Variants in RIN2 observed in about 807,000 individuals in gnomAD.
RIN2 encodes RAB5 interacting protein 2.
A neutral mutation model predicts 78.0 loss-of-function variants in RIN2; 36 were observed. The observed-to-expected ratio is 0.46, with a 90% CI of 0.35 to 0.61. The LOEUF (loss-of-function observed/expected upper bound fraction) is 0.61. RIN2 is among the 20% of genes least tolerant of loss of function. The probability of loss-of-function intolerance (pLI) is 0.00; values close to 1 mark genes in which losing one functional copy is unlikely to be tolerated. For missense variants in RIN2, 1,087 were observed against 1,159.7 expected (o/e 0.94, Z 0.91); for synonymous variants, 466 against 466.8 (o/e 1.00, Z 0.02).
chr20:19,994,857 AT>A (rs1455439710), intron 11 of RIN2, among the ~76,000 whole-genome samples: 1 of 152,182 alleles, frequency 6.6e-6, no homozygotes, highest in African/African-American at 2.4e-5. Flanking sequence ...TAGGGTGATT[AT>A]ACTGTAGGTG....
chr20:19,898,361 TAGA>T (rs2038831870), intron 3 of RIN2, among the ~76,000 whole-genome samples: 1 of 152,216 alleles, frequency 6.6e-6, no homozygotes, highest in Non-Finnish European at 1.5e-5. Flanking sequence ...AGTTTCATAT[TAGA>T]AGGATACCAA....
rs551438436 is a variant in RIN2, at chr20:19,811,838, C to T, written c.-37+12091C>T. On this transcript the variant is annotated intron_variant, in intron 2 of 12. Transcript: ENST00000255006. ...CAGTACAAACAATATTTAGAATATG[C>T]TCCCATTTTAAAAAAAAAAAGCTTT... 1.9e-3 allele frequency among the ~76,000 whole-genome samples: 287 copies of T among 149,870 alleles called. 2 individuals carry two copies. The highest frequency in any genetic ancestry group is 6.8e-3 in the African/African-American group (276 of 40,306).
Position 19,965,221 on chromosome 20 carries a change from G to T in RIN2, c.536+197G>T, listed in dbSNP as rs1106817. Among the ~76,000 whole-genome samples the T allele has an allele frequency of 0.019, 2,865 of 152,186 alleles. 97 individuals carry two copies. Among genetic ancestry groups the T allele is most frequent in the African/African-American group, 0.065 (2,708 of 41,512 alleles). On this transcript the variant is annotated intron_variant, in intron 7 of 12. Transcript: ENST00000255006. ...ACCATGCCAGGCTTAAGGTCAAAAC[G>T]ACTATCCCAACCCCTCCAAACATAA...
chr20:19,950,675 A>C (rs927644619), intron 4 of RIN2, among the ~76,000 whole-genome samples: 1 of 152,112 alleles, frequency 6.6e-6, no homozygotes, highest in Non-Finnish European at 1.5e-5. Flanking sequence ...CTTTGTAAGC[A>C]TAATAAAATT....
chr20:19,758,609 C>T (rs1211927500), intron 1 of RIN2, among the ~76,000 whole-genome samples: 3 of 152,180 alleles, frequency 2.0e-5, no homozygotes, highest in African/African-American at 7.2e-5. Context: ...ACCGGGTGTC[C>T]TCAGCTGACC....
rs201981815 is a variant in RIN2, at chr20:19,960,751, C to T, written c.403C>T (p.Arg135Cys). ...TKMQKKVLSL[R>C]LPCEFGAPLK... ...GATGCAGAAGAAAGTCCTCTCCCTC[C>T]GCCTGCCCTGTGAATTTGGGGCCCC... Residue 135 changes from arginine (R) to cysteine (C), a missense_variant, in exon 6 of 13, where the codon CGC (arginine) becomes TGC (cysteine). Physicochemically the swap from Arg to Cys is radical, Grantham distance 180 (BLOSUM62 -3). This residue lies in a region of RIN2 where 706 missense variants were observed against 667.5 expected (regional missense o/e 1.06). Coordinates refer to ENST00000255006, the MANE Select transcript of RIN2 (RefSeq NM_018993.4). The T allele has an allele frequency of 6.5e-5, 104 of 1,605,544 alleles. No homozygotes were observed. Among genetic ancestry groups the T allele is most frequent in the Non-Finnish European group, 7.8e-5 (92 of 1,176,188 alleles).
At chr20:19,990,446 T>A in intron 10 of RIN2, 135 bp downstream of exon 10, 1 of 779,106 alleles carries the variant, frequency 1.3e-6, no homozygotes, top group South Asian at 2.0e-5. Context: ...CTTACAGAAC[T>A]ACAAGTGATT....
intron 3 of RIN2, among the ~76,000 whole-genome samples, chr20:19,901,926 G>C (rs143226181): frequency 5.4e-5 from 8 of 147,214 alleles, no homozygotes; most frequent in African/African-American, 1.8e-4. Context: ...TGAGGCAGGA[G>C]AATCACTCGA....
chr20:19,983,960 G>T (rs890428206), intron 9 of RIN2, among the ~76,000 whole-genome samples: 2 of 151,796 alleles, frequency 1.3e-5, no homozygotes, highest in Non-Finnish European at 2.9e-5. Context: ...TACATGTGCC[G>T]TGTTGGTTTG....
At chr20:19,896,265 G>A (rs888850641) in intron 3 of RIN2, among the ~76,000 whole-genome samples, 10 of 151,842 alleles carry the variant, frequency 6.6e-5, no homozygotes, top group Non-Finnish European at 1.5e-4. Flanking sequence ...CTTGGCTCGC[G>A]GCAGCCTCCG....
intron 3 of RIN2, among the ~76,000 whole-genome samples, chr20:19,910,880 T>C (rs1326779715): frequency 1.3e-5 from 2 of 150,946 alleles, no homozygotes; most frequent in African/African-American, 4.9e-5. Flanking sequence ...AGGAAGTGAG[T>C]TTATTGATAT....
At position 19,975,749 on chromosome 20, in the gene RIN2, A is replaced by AC. The variant is rs759390822; in HGVS notation, c.1731dup (p.Ile578HisfsTer7). 1.4e-5 allele frequency: 23 copies of AC among 1,610,188 alleles called. No homozygotes were observed. Among genetic ancestry groups the AC allele is most frequent in the East Asian group, 4.5e-5 (2 of 44,754 alleles). ...TATTTGTCTCAGAGCTCGGAGCTGGACCCCCCCATCGAGTCGCTGATCCCT... is the reference window on the plus strand; with the variant it reads ...TATTTGTCTCAGAGCTCGGAGCTGGACCCCCCCCATCGAGTCGCTGATCCCT... On this transcript the variant is annotated frameshift_variant, in exon 9 of 13. Coordinates refer to ENST00000255006, the MANE Select transcript of RIN2 (RefSeq NM_018993.4). LOFTEE classifies it high-confidence loss of function. This position sits in a 1 kb window ranked among gnomAD's most constrained non-coding sequence, Gnocchi z 4.9.
intron 3 of RIN2, among the ~76,000 whole-genome samples, chr20:19,908,429 T>C (rs930787759): frequency 6.7e-6 from 1 of 148,462 alleles, no homozygotes; most frequent in African/African-American, 2.5e-5. Context: ...AGGCGGAGCG[T>C]GCATTGAGCT....
chr20:19,763,104 GC>G (rs954719027), intron 1 of RIN2, among the ~76,000 whole-genome samples: 32 of 152,228 alleles, frequency 2.1e-4, no homozygotes, highest in African/African-American at 7.5e-4. Flanking sequence ...AAAAGTCCTG[GC>G]CAGGTGCAGT....
chr20:19,900,047 G>A (rs1039390263), intron 3 of RIN2, among the ~76,000 whole-genome samples: 6 of 152,192 alleles, frequency 3.9e-5, no homozygotes, highest in Admixed American at 6.5e-5. Flanking sequence ...CAAAACTGGA[G>A]CATACAAGTC....
At chr20:19,955,373 G>C (rs1032621530) in intron 4 of RIN2, among the ~76,000 whole-genome samples, 1 of 151,088 alleles carries the variant, frequency 6.6e-6, no homozygotes. Context: ...CCTCACTCCT[G>C]TTGTCCAGGC....
chr20:19,847,486 C>A (rs1330437874), intron 2 of RIN2, among the ~76,000 whole-genome samples: 1 of 152,100 alleles, frequency 6.6e-6, no homozygotes, highest in Non-Finnish European at 1.5e-5. Flanking sequence ...GTGGGCTCAA[C>A]AAGAGGGTAG....
chr20:19,954,846 G>A (rs2041470519), intron 4 of RIN2, among the ~76,000 whole-genome samples: 1 of 152,114 alleles, frequency 6.6e-6, no homozygotes, highest in South Asian at 2.1e-4. Context: ...GGACAGCTCA[G>A]TAACTTCTTA....
chr20:19,855,473 T>C (rs1424278556), intron 2 of RIN2, among the ~76,000 whole-genome samples: 1 of 152,204 alleles, frequency 6.6e-6, no homozygotes, highest in East Asian at 1.9e-4. Context: ...CTCCTCCTCA[T>C]ACCTCTGGTA....
Sources: allele counts gnomAD v4.1 joint callset (sites outside exome capture counted in the v4.1 genomes callset), GRCh38; gene constraint gnomAD v4.1.1; regional missense constraint gnomAD v4.1.1; non-coding constraint Gnocchi (gnomAD v3.1); transcripts MANE v1.5; gene names NCBI Gene and HGNC (gene_info 2026-07-23, HGNC 2026-07-21).